The following USH2A variants were observed in gnomAD, a reference collection of about 807,000 sequenced individuals.
USH2A encodes the protein Usher syndrome 2A (autosomal recessive, mild).
USH2A carries 443 observed loss-of-function variants against 538.9 expected under a neutral mutation model. The observed-to-expected ratio is 0.82, with a 90% CI of 0.76 to 0.89. The LOEUF is 0.89. USH2A is among the 40% of genes least tolerant of loss of function. USH2A has a pLI of 0.00. For synonymous variants in USH2A, 2,413 were observed against 2,273.5 expected, an observed-to-expected ratio of 1.06 and a Z score of -1.75; for missense variants, 6,633 against 6,324.8, an observed-to-expected ratio of 1.05 and a Z score of -1.65.
chr1:215,738,157 C>T (rs760700499), intron 60 of USH2A, among the ~76,000 whole-genome samples: 13 of 151,832 alleles, frequency 8.6e-5, no homozygotes, highest in African/African-American at 2.2e-4. Flanking sequence ...ATTTTGTAGA[C>T]GTAAGTGATG....
chr1:216,025,909 A>G (rs1345032570), intron 32 of USH2A, among the ~76,000 whole-genome samples: 1 of 152,086 alleles, frequency 6.6e-6, no homozygotes, highest in Non-Finnish European at 1.5e-5. Context: ...CATGAAATAG[A>G]TATTCAAAAA....
At chr1:215,808,865 A>G (rs1347606011) in intron 49 of USH2A, among the ~76,000 whole-genome samples, 1 of 152,062 alleles carries the variant, frequency 6.6e-6, no homozygotes, top group Admixed American at 6.6e-5. Context: ...GTAAACCCTC[A>G]TGTACAGGTT....
intron 67 of USH2A, among the ~76,000 whole-genome samples, chr1:215,645,154 G>C (rs1051314809): frequency 9.2e-5 from 14 of 152,160 alleles, no homozygotes; most frequent in Non-Finnish European, 1.8e-4. Context: ...GAGTTCTGCA[G>C]AGAATAAAGG....
chr1:215,720,203 G>A (rs139923774), intron 61 of USH2A, among the ~76,000 whole-genome samples: 1 of 152,276 alleles, frequency 6.6e-6, no homozygotes, highest in East Asian at 1.9e-4. Flanking sequence ...GGGATTCAGT[G>A]GAGAAGAAAG....
chr1:215,728,408 C>T lies in USH2A; in HGVS notation c.11712-24G>A, dbSNP rs1659896562. The stretch of plus-strand genomic sequence containing the variant: ...GTCTGAAAGGAAACCAAGCAGGCAA[C>T]CAGTGACAGCTGCACACTTCAAAAC... On this transcript the variant is annotated intron_variant, in intron 60 of 71. Transcript: ENST00000307340. The T allele has an allele frequency of 3.1e-6, 5 of 1,607,156 alleles. No homozygotes were observed. The Admixed American group carries it at 6.7e-5, about 21-fold the overall frequency.
At chr1:215,728,753 A>AT (rs1357277602) in intron 60 of USH2A, among the ~76,000 whole-genome samples, 1 of 152,254 alleles carries the variant, frequency 6.6e-6, no homozygotes. Context: ...CAAGATACAT[A>AT]TGCAATACAA....
At chr1:216,290,047 T>C (rs1286415710) in intron 10 of USH2A, among the ~76,000 whole-genome samples, 3 of 152,144 alleles carry the variant, frequency 2.0e-5, no homozygotes, top group African/African-American at 7.2e-5. Context: ...CCATAGTTTA[T>C]AATTTATAAT....
intron 32 of USH2A, among the ~76,000 whole-genome samples, chr1:216,024,706 T>C (rs923219362): frequency 6.6e-6 from 1 of 152,020 alleles, no homozygotes; most frequent in Non-Finnish European, 1.5e-5. Context: ...AGCTACTTTG[T>C]GCATCTACTA....
At chr1:215,988,559 T>C (rs1235249357) in intron 35 of USH2A, among the ~76,000 whole-genome samples, 1 of 151,920 alleles carries the variant, frequency 6.6e-6, no homozygotes, top group Non-Finnish European at 1.5e-5. Flanking sequence ...AATTCTATTA[T>C]TAATTATTTG....
At chr1:216,408,294 C>T (rs1465097051) in intron 3 of USH2A, among the ~76,000 whole-genome samples, 1 of 152,108 alleles carries the variant, frequency 6.6e-6, no homozygotes, top group Non-Finnish European at 1.5e-5. Context: ...TTGTGATAAT[C>T]TTCTTACACA....
In USH2A at chr1:215,845,965, A is replaced by C; in HGVS notation, c.8914T>G (p.Ser2972Ala). The C allele has an allele frequency of 6.2e-7, 1 of 1,613,850 alleles. No homozygotes were observed. The highest frequency in any genetic ancestry group is 1.1e-5 in the South Asian group (1 of 91,082). The change falls in exon 45 of 72, where the codon TCT (serine) becomes GCT (alanine). Residue 2972 changes from serine to alanine, a missense_variant. Ser to Ala is a moderately conservative substitution (Grantham distance 99). Coordinates refer to ENST00000307340, the MANE Select transcript of USH2A (RefSeq NM_206933.4). ...TTTACATCTGGCAAGATTTTTAGAGAGTCGTTTGAGGTAGCAGAACTCCAA... is the reference window on the plus strand; with the variant it reads ...TTTACATCTGGCAAGATTTTTAGAGCGTCGTTTGAGGTAGCAGAACTCCAA... The part of the protein sequence containing the change: ...LFWSSATSND[S>A]LKILPDVNSH...
At chr1:216,009,657 C>A (rs1317314001) in intron 32 of USH2A, among the ~76,000 whole-genome samples, 1 of 151,978 alleles carries the variant, frequency 6.6e-6, no homozygotes, top group Non-Finnish European at 1.5e-5. Flanking sequence ...TTCTACAGAC[C>A]CATCTGACCT....
At chr1:215,923,793 G>A (rs571514715) in intron 38 of USH2A, among the ~76,000 whole-genome samples, 1 of 152,134 alleles carries the variant, frequency 6.6e-6, no homozygotes, top group African/African-American at 2.4e-5. Flanking sequence ...CTGAGCCAAG[G>A]TAAATGGTGA....
chr1:215,693,365 T>C (rs543353832), intron 61 of USH2A, among the ~76,000 whole-genome samples: 5 of 152,222 alleles, frequency 3.3e-5, no homozygotes, highest in African/African-American at 9.6e-5. Context: ...ACTTGGTGTA[T>C]CCCATTTCAT....
At chr1:216,300,405 A>T (rs1462725092) in intron 9 of USH2A, among the ~76,000 whole-genome samples, 4 of 152,176 alleles carry the variant, frequency 2.6e-5, no homozygotes, top group Non-Finnish European at 5.9e-5. Context: ...CAATGGCTAT[A>T]TCAGGGTCAA....
At chr1:215,910,646 A>G (rs1571804258) in intron 38 of USH2A, among the ~76,000 whole-genome samples, 1 of 151,928 alleles carries the variant, frequency 6.6e-6, no homozygotes, top group Admixed American at 6.6e-5. Context: ...TCATATCATT[A>G]CTCACACCAT....
intron 56 of USH2A, among the ~76,000 whole-genome samples, chr1:215,760,663 A>C (rs180784781): frequency 6.6e-6 from 1 of 152,182 alleles, no homozygotes. Context: ...TTGTCCATCT[A>C]TCCATTTTCT....
At chr1:215,742,527 G>T (rs1401003014) in intron 59 of USH2A, among the ~76,000 whole-genome samples, 4 of 151,874 alleles carry the variant, frequency 2.6e-5, no homozygotes, top group Non-Finnish European at 5.9e-5. Flanking sequence ...TAATTTAAAA[G>T]AGATAAATAA....
At chr1:216,360,660 C>T (rs2038474877) in intron 4 of USH2A, among the ~76,000 whole-genome samples, 1 of 151,602 alleles carries the variant, frequency 6.6e-6, no homozygotes, top group Non-Finnish European at 1.5e-5. Context: ...CTGGAACTCT[C>T]TATACTTTCC....
Sources: allele counts gnomAD v4.1 joint callset (sites outside exome capture counted in the v4.1 genomes callset), GRCh38; gene constraint gnomAD v4.1.1; transcripts MANE v1.5; gene names NCBI Gene and HGNC (gene_info 2026-07-23, HGNC 2026-07-21).